Variants in ZFHX3 observed in about 807,000 individuals in gnomAD.
The protein encoded by ZFHX3 is zinc finger homeobox 3, also known as zinc finger homeobox protein 3.
Under a neutral mutation model 279.1 loss-of-function variants are expected in ZFHX3, and 42 were observed. That is an observed-to-expected ratio of 0.15 (90% CI 0.12 to 0.19). The LOEUF is 0.19. Ranked by LOEUF, ZFHX3 falls within the 10% of genes least tolerant of loss-of-function variation. ZFHX3 has a pLI of 1.00. For missense variants in ZFHX3, 4,981 were observed against 4,754.0 expected (o/e 1.05, Z -1.40); for synonymous variants, 2,293 against 1,957.8 (o/e 1.17, Z -4.52).
intron 3 of ZFHX3, among the ~76,000 whole-genome samples, chr16:73,375,617 C>A (rs1419766910): frequency 1.3e-5 from 2 of 152,122 alleles, no homozygotes; most frequent in Non-Finnish European, 2.9e-5. Context: ...ACTGATACTT[C>A]CCATTCAAAT....
chr16:73,227,913 A>C (rs1421530626), intron 5 of ZFHX3, among the ~76,000 whole-genome samples: 3 of 151,926 alleles, frequency 2.0e-5, no homozygotes, highest in African/African-American at 7.3e-5. Context: ...AATTATTATA[A>C]CAAATTTTAT....
At chr16:73,097,721 C>T (rs1331511377) in intron 7 of ZFHX3, among the ~76,000 whole-genome samples, 1 of 152,134 alleles carries the variant, frequency 6.6e-6, no homozygotes, top group African/African-American at 2.4e-5. Context: ...AAGTCCTATT[C>T]CCTCTTTCCC....
intron 1 of ZFHX3, among the ~76,000 whole-genome samples, chr16:73,788,800 C>T (rs1959737245): frequency 1.3e-5 from 2 of 151,040 alleles, no homozygotes; most frequent in Admixed American, 6.6e-5. Context: ...TGGTGAAACC[C>T]CATCTCTACT....
chr16:73,138,946 C>T (rs577468913), intron 6 of ZFHX3, among the ~76,000 whole-genome samples: 1 of 152,320 alleles, frequency 6.6e-6, no homozygotes, highest in African/African-American at 2.4e-5. Context: ...CTGCCTCGGC[C>T]TCCCAAAGGG....
intron 4 of ZFHX3, among the ~76,000 whole-genome samples, chr16:72,874,901 CTG>C (rs1473889652): frequency 1.3e-5 from 2 of 152,122 alleles, no homozygotes; most frequent in Non-Finnish European, 2.9e-5. Context: ...TCTTCATAGC[CTG>C]TGATACAGCT....
At chr16:73,634,499 C>CATT (rs1481180652) in intron 2 of ZFHX3, among the ~76,000 whole-genome samples, 5 of 148,574 alleles carry the variant, frequency 3.4e-5, no homozygotes, top group African/African-American at 1.3e-4. Flanking sequence ...CATTAACACT[C>CATT]ATTGTTGGCC....
chr16:73,230,760 C>T (rs1444398873), intron 5 of ZFHX3, among the ~76,000 whole-genome samples: 1 of 152,082 alleles, frequency 6.6e-6, no homozygotes, highest in African/African-American at 2.4e-5. Context: ...CACCTCAGCC[C>T]GTGTGATATA....
At chr16:73,066,093 A>C (rs920673353) in intron 8 of ZFHX3, among the ~76,000 whole-genome samples, 14 of 152,196 alleles carry the variant, frequency 9.2e-5, no homozygotes, top group Admixed American at 9.2e-4. Flanking sequence ...CCTAGGGCCC[A>C]GCCTGTGTCA....
At chr16:73,220,346 T>C (rs938120748) in intron 5 of ZFHX3, among the ~76,000 whole-genome samples, 1 of 151,888 alleles carries the variant, frequency 6.6e-6, no homozygotes, top group Non-Finnish European at 1.5e-5. Flanking sequence ...GAATCTAAAA[T>C]AAAAGTTGAA....
At chr16:73,452,285 G>A (rs2018291856) in intron 3 of ZFHX3, among the ~76,000 whole-genome samples, 1 of 152,112 alleles carries the variant, frequency 6.6e-6, no homozygotes, top group South Asian at 2.1e-4. Flanking sequence ...AAATAGAGAT[G>A]AAACAGATAA....
rs117316039 is a variant in ZFHX3, at chr16:73,772,664, C to T, written c.-1607-92424G>A. 4.7e-3 allele frequency among the ~76,000 whole-genome samples: 720 copies of T among 152,306 alleles called. 2 individuals are homozygous for T. The highest frequency in any genetic ancestry group is 7.5e-3 in the South Asian group (36 of 4,830). ...TTTGAATCCCTGCCTGAGTAAGGAACTGTGTATTTAGCACAACTGCATCTC... is the reference window on the plus strand; with the variant it reads ...TTTGAATCCCTGCCTGAGTAAGGAATTGTGTATTTAGCACAACTGCATCTC... On this transcript the variant is annotated intron_variant, in intron 1 of 17. Coordinates refer to the ZFHX3 transcript ENST00000641206.
intron 1 of ZFHX3, among the ~76,000 whole-genome samples, chr16:73,867,818 T>C (rs1962066575): frequency 6.6e-6 from 1 of 152,196 alleles, no homozygotes; most frequent in South Asian, 2.1e-4. Flanking sequence ...ATTTGAGAAT[T>C]GGCAGCGTTC....
chr16:73,119,301 C>T (rs1024025085), intron 7 of ZFHX3, among the ~76,000 whole-genome samples: 2 of 151,928 alleles, frequency 1.3e-5, no homozygotes, highest in Non-Finnish European at 2.9e-5. Flanking sequence ...GAGATGGGGC[C>T]CCACTATGTT....
intron 3 of ZFHX3, among the ~76,000 whole-genome samples, chr16:73,320,029 G>A (rs753663100): frequency 4.0e-4 from 61 of 152,304 alleles, no homozygotes; most frequent in Non-Finnish European, 7.1e-4. Flanking sequence ...GAGAGAGCTG[G>A]ACAGAGACTG....
At chr16:73,052,124 G>C (rs1404582420), upstream of ZFHX3, among the ~76,000 whole-genome samples, 1 of 152,062 alleles carries the variant, frequency 6.6e-6, no homozygotes, top group Non-Finnish European at 1.5e-5. Flanking sequence ...TCTTGGAGGG[G>C]AAGCAGGTTG....
chr16:72,859,612 T>C (rs188292906), intron 4 of ZFHX3, among the ~76,000 whole-genome samples: 4 of 152,310 alleles, frequency 2.6e-5, no homozygotes, highest in Admixed American at 2.6e-4. Context: ...TTTAACTTCA[T>C]ATAAATTAGA....
intron 4 of ZFHX3, among the ~76,000 whole-genome samples, chr16:72,843,442 C>T (rs1319152388): frequency 2.1e-5 from 3 of 145,874 alleles, no homozygotes; most frequent in Non-Finnish European, 4.5e-5. Flanking sequence ...ACCCGGGAGA[C>T]GGAGCTTGCA....
intron 1 of ZFHX3, among the ~76,000 whole-genome samples, chr16:72,977,645 G>A (rs1321595874): frequency 2.0e-5 from 3 of 151,708 alleles, no homozygotes; most frequent in African/African-American, 7.3e-5. Context: ...GGATCTCTAC[G>A]ATTCACTTGG....
intron 1 of ZFHX3, among the ~76,000 whole-genome samples, chr16:73,023,347 A>C (rs1964376728): frequency 6.6e-6 from 1 of 152,242 alleles, no homozygotes; most frequent in Non-Finnish European, 1.5e-5. Flanking sequence ...TGGAGGTGGA[A>C]GGGGCTGGAG....
Sources: gnomAD v4.1 joint callset for allele counts (sites outside exome capture counted in the v4.1 genomes callset) on GRCh38, gnomAD v4.1.1 for gene constraint, MANE v1.5 for transcripts, NCBI Gene and HGNC (gene_info 2026-07-23, HGNC 2026-07-21) for gene names.